Variants in PPP3CA observed in about 807,000 individuals in gnomAD.
PPP3CA encodes the protein CAM-PRP catalytic subunit.
In PPP3CA, 14 loss-of-function variants were observed where a neutral mutation model predicts 66.5. That is an observed-to-expected ratio of 0.21 (90% CI 0.14 to 0.33). PPP3CA has a LOEUF of 0.33. Among genes scored for constraint, PPP3CA ranks in the 10% least tolerant of loss-of-function variants. The pLI is 1.00. For synonymous variants in PPP3CA, 232 were observed against 226.2 expected, an observed-to-expected ratio of 1.03 and a Z score of -0.23; for missense variants, 317 against 639.5, an observed-to-expected ratio of 0.50 and a Z score of 5.44.
At chr4:101,102,688 G>A (rs1226719898) in intron 3 of PPP3CA, among the ~76,000 whole-genome samples, 2 of 152,050 alleles carry the variant, frequency 1.3e-5, no homozygotes, top group Non-Finnish European at 2.9e-5. Flanking sequence ...TAACCTGATA[G>A]TTTTTTAAAA....
chr4:101,067,936 T>C (rs1728753061), intron 8 of PPP3CA, among the ~76,000 whole-genome samples: 2 of 152,116 alleles, frequency 1.3e-5, no homozygotes, highest in African/African-American at 4.8e-5. Context: ...ACTTTTCAAG[T>C]GGGTGTCCAG....
chr4:101,326,281 A>G (rs368604776), intron 1 of PPP3CA, among the ~76,000 whole-genome samples: 24 of 152,312 alleles, frequency 1.6e-4, no homozygotes, highest in Non-Finnish European at 3.4e-4. Flanking sequence ...CTGTTTTTCA[A>G]TTCCAGCTTG....
chr4:101,273,225 T>C (rs1301696685), intron 1 of PPP3CA, among the ~76,000 whole-genome samples: 2 of 152,244 alleles, frequency 1.3e-5, no homozygotes, highest in African/African-American at 4.8e-5. Context: ...ATGGTTTCTA[T>C]TACTCTTAAA....
chr4:101,276,861 C>T (rs1391043298), intron 1 of PPP3CA, among the ~76,000 whole-genome samples: 1 of 151,664 alleles, frequency 6.6e-6, no homozygotes, highest in Non-Finnish European at 1.5e-5. Flanking sequence ...AATTGCTGAG[C>T]CAGCGTTGAT....
chr4:101,168,034 T>A (rs1176377948), intron 2 of PPP3CA, among the ~76,000 whole-genome samples: 2 of 152,026 alleles, frequency 1.3e-5, no homozygotes, highest in East Asian at 1.9e-4. Flanking sequence ...TTTACCAGCA[T>A]CACACTGACC....
chr4:101,228,751 C>G (rs1047937218), intron 1 of PPP3CA, among the ~76,000 whole-genome samples: 3 of 151,600 alleles, frequency 2.0e-5, no homozygotes, highest in Non-Finnish European at 3.0e-5. Flanking sequence ...GAAGTGAACT[C>G]TATCCCCCTC....
intron 1 of PPP3CA, among the ~76,000 whole-genome samples, chr4:101,331,114 T>C (rs1021160844): frequency 5.3e-5 from 8 of 152,198 alleles, no homozygotes; most frequent in Non-Finnish European, 8.8e-5. Context: ...ATAACAAGTA[T>C]TTTCTATCAA....
chr4:101,249,002 T>C (rs969035421), intron 1 of PPP3CA, among the ~76,000 whole-genome samples: 1 of 149,194 alleles, frequency 6.7e-6, no homozygotes, highest in Non-Finnish European at 1.5e-5. Flanking sequence ...CTACTAAAAA[T>C]ACAAAAAATT....
intron 1 of PPP3CA, among the ~76,000 whole-genome samples, chr4:101,201,799 G>A (rs1459561048): frequency 2.0e-5 from 3 of 152,188 alleles, no homozygotes; most frequent in Non-Finnish European, 2.9e-5. Context: ...TCCTTAGATT[G>A]GAACACCATC....
chr4:101,032,541 T>G (rs748797449), intron 11 of PPP3CA, among the ~76,000 whole-genome samples, 177 bp from the exon 12 acceptor site: 12 of 152,202 alleles, frequency 7.9e-5, no homozygotes, highest in Non-Finnish European at 1.8e-4. Flanking sequence ...TATATACCAG[T>G]AATGTTCCAT....
At position 101,123,021 on chromosome 4, in the gene PPP3CA, T is replaced by C. The variant is rs188292573; in HGVS notation, c.260-13943A>G. Among the ~76,000 whole-genome samples, 427 of 152,274 alleles carry C rather than the reference T, an allele frequency of 2.8e-3. 4 individuals are homozygous for C. The highest frequency in any genetic ancestry group is 0.024 in the Middle Eastern group (7 of 294). ...GACAATTATAAATTAAAATAATAAG[T>C]GAAGCCATTCATCTCTCCTTTGATT... is the stretch of plus-strand genomic sequence containing the variant. On this transcript the variant is annotated intron_variant, in intron 2 of 13. Coordinates refer to ENST00000394854, the MANE Select transcript of PPP3CA (RefSeq NM_000944.5).
intron 3 of PPP3CA, among the ~76,000 whole-genome samples, chr4:101,107,843 A>G (rs1276982181): frequency 2.0e-5 from 3 of 152,198 alleles, no homozygotes; most frequent in African/African-American, 7.2e-5. Context: ...GTGTGAGACA[A>G]TAATGTTGAT....
chr4:101,083,293 T>A, intron 6 of PPP3CA, 30 bp from the exon 7 acceptor site: 2 of 1,575,034 alleles, frequency 1.3e-6, no homozygotes, highest in Admixed American at 1.7e-5. Context: ...AAGGGAAGCA[T>A]CTGTTAGGAA....
intron 10 of PPP3CA, among the ~76,000 whole-genome samples, chr4:101,041,369 T>C (rs1381880795): frequency 6.6e-6 from 1 of 152,084 alleles, no homozygotes; most frequent in African/African-American, 2.4e-5. Context: ...CCATTTTATT[T>C]TTTCTTTTAA....
chr4:101,256,130 A>G (rs1726833201), intron 1 of PPP3CA, among the ~76,000 whole-genome samples: 1 of 151,980 alleles, frequency 6.6e-6, no homozygotes, highest in Non-Finnish European at 1.5e-5. Context: ...TATTGAAAAC[A>G]TATTACAAAA....
chr4:101,250,571 C>T (rs1326747463), intron 1 of PPP3CA, among the ~76,000 whole-genome samples: 2 of 152,118 alleles, frequency 1.3e-5, no homozygotes, highest in East Asian at 3.8e-4. Flanking sequence ...TTACTGGCAG[C>T]TTGTGATTCA....
intron 8 of PPP3CA, among the ~76,000 whole-genome samples, chr4:101,064,369 A>C (rs1728595098): frequency 6.6e-6 from 1 of 151,940 alleles, no homozygotes; most frequent in Admixed American, 6.6e-5. Flanking sequence ...TCTGCTTCTG[A>C]ATGACAGCCT....
At chr4:101,144,436 A>C (rs1722906505) in intron 2 of PPP3CA, among the ~76,000 whole-genome samples, 2 of 152,116 alleles carry the variant, frequency 1.3e-5, no homozygotes, top group Non-Finnish European at 2.9e-5. Flanking sequence ...GACACATTTG[A>C]ATGCCTAGAA....
At chr4:101,147,345 A>G (rs923310641) in intron 2 of PPP3CA, among the ~76,000 whole-genome samples, 3 of 152,210 alleles carry the variant, frequency 2.0e-5, no homozygotes, top group Non-Finnish European at 4.4e-5. Context: ...TCAATTATTT[A>G]AAATAAATTA....
Sources: allele counts gnomAD v4.1 joint callset (sites outside exome capture counted in the v4.1 genomes callset), GRCh38; gene constraint gnomAD v4.1.1; transcripts MANE v1.5; gene names NCBI Gene and HGNC (gene_info 2026-07-23, HGNC 2026-07-21).